The following RANBP17 variants were observed in gnomAD, a reference collection of about 807,000 sequenced individuals.
RANBP17 encodes the protein RAN binding protein 17.
In RANBP17, 158 loss-of-function variants were observed where a neutral mutation model predicts 141.2. The ratio of observed to expected loss-of-function variants is 1.12; its 90% CI spans 0.98 to 1.28. The LOEUF is 1.28. Ranked by LOEUF, RANBP17 falls within the 50% of genes most tolerant of loss-of-function variation. RANBP17 has a pLI of 0.00. For missense variants in RANBP17, 1,438 were observed against 1,290.7 expected (o/e 1.11, Z -1.75); for synonymous variants, 430 against 450.0 (o/e 0.96, Z 0.56).
chr5:171,265,568 T>C (rs975941016), intron 24 of RANBP17, 113 bp from the exon 25 acceptor site: 3 of 1,011,176 alleles, frequency 3.0e-6, no homozygotes. Context: ...ACTTGCAATT[T>C]GATAAAAGCA....
intron 14 of RANBP17, among the ~76,000 whole-genome samples, chr5:170,973,756 G>A (rs1257170109): frequency 6.6e-6 from 1 of 152,204 alleles, no homozygotes; most frequent in African/African-American, 2.4e-5. Context: ...AGCCTGAGAA[G>A]TTCAAGATCA....
At chr5:171,106,350 A>G (rs909777310) in intron 14 of RANBP17, among the ~76,000 whole-genome samples, 3 of 152,096 alleles carry the variant, frequency 2.0e-5, no homozygotes, top group African/African-American at 7.2e-5. Flanking sequence ...GGAAGGTAGG[A>G]GGGGAAGGGG....
chr5:171,082,906 C>T (rs1785348382), intron 14 of RANBP17, among the ~76,000 whole-genome samples: 2 of 149,752 alleles, frequency 1.3e-5, no homozygotes, highest in Non-Finnish European at 3.0e-5. Flanking sequence ...AAAGGAACAG[C>T]TGAATTTATT....
intron 22 of RANBP17, among the ~76,000 whole-genome samples, chr5:171,225,180 C>T (rs1305943954): frequency 6.6e-6 from 1 of 152,130 alleles, no homozygotes; most frequent in Admixed American, 6.6e-5. Flanking sequence ...TCTTTACTGC[C>T]TCTTGGGAGT....
chr5:171,293,920 A>AC lies in RANBP17; in HGVS notation c.2982dup (p.Cys995LeufsTer19). 6.2e-7 allele frequency: 1 copy of AC among 1,613,874 alleles called. No individual in the cohort carries two copies. The highest frequency in any genetic ancestry group is 1.3e-5 in the African/African-American group (1 of 75,008). On this transcript the variant is annotated frameshift_variant, in exon 26 of 28. Coordinates refer to ENST00000523189, the MANE Select transcript of RANBP17 (RefSeq NM_022897.5). LOFTEE classifies it high-confidence loss of function. ...CTCATGAACACCATTGTCTTTGAAG[A>AC]CTGTCGGAACCAGTGGTCAGTATCC... is the stretch of plus-strand genomic sequence containing the variant.
Position 171,206,048 on chromosome 5 carries a change from A to G in RANBP17, c.2231+436A>G, listed in dbSNP as rs570966432. On this transcript the variant is annotated intron_variant, in intron 20 of 27. Coordinates refer to ENST00000523189, the MANE Select transcript of RANBP17 (RefSeq NM_022897.5). ...ACAGTTTTTCATTATCATGAAGATA[A>G]TGAATGGACATGGAAAGGGAAAAAT... The G allele has an allele frequency of 2.6e-5, 8 of 310,908 alleles. No homozygotes were observed. The East Asian group carries it at 5.0e-4, about 20-fold the overall frequency. 19.3% of individuals were successfully genotyped at this position (310,908 alleles called of 1,614,324 possible).
chr5:170,959,228 T>C (rs1775961550), intron 13 of RANBP17, among the ~76,000 whole-genome samples: 1 of 152,178 alleles, frequency 6.6e-6, no homozygotes, highest in Admixed American at 6.5e-5. Context: ...GCTCAGAGTT[T>C]TCCTCTCTCT....
intron 22 of RANBP17, among the ~76,000 whole-genome samples, chr5:171,229,536 AG>A (rs1444935393): frequency 1.3e-5 from 2 of 151,740 alleles, no homozygotes; most frequent in African/African-American, 2.4e-5. Flanking sequence ...CTGGGATTAT[AG>A]GTGCCCGCCA....
At chr5:171,183,262 A>G (rs750507117) in intron 17 of RANBP17, 32 bp downstream of exon 17, 2 of 1,586,660 alleles carry the variant, frequency 1.3e-6, no homozygotes, top group East Asian at 2.2e-5. Context: ...AATGAATAAC[A>G]TTTTACGAAT....
chr5:170,973,754 A>T (rs755569696), intron 14 of RANBP17, among the ~76,000 whole-genome samples: 4 of 152,202 alleles, frequency 2.6e-5, no homozygotes, highest in Non-Finnish European at 4.4e-5. Flanking sequence ...AGAGCCTGAG[A>T]AGTTCAAGAT....
Position 171,031,439 on chromosome 5 carries a change from G to A in RANBP17, c.1710+63062G>A, listed in dbSNP as rs78414445. On this transcript the variant is annotated intron_variant, in intron 14 of 27. Coordinates refer to ENST00000523189, the MANE Select transcript of RANBP17 (RefSeq NM_022897.5). ...GAGCATACTGCTGACCCCACCACAA[G>A]CTTTACCTGTTAAGTAAAATATGTT... Among the ~76,000 whole-genome samples the A allele has an allele frequency of 9.6e-3, 1,455 of 152,106 alleles. 59 individuals carry two copies. The highest frequency in any genetic ancestry group is 0.08 in the East Asian group (415 of 5,186).
Position 171,155,779 on chromosome 5 carries a change from T to C in RANBP17, c.1711-14351T>C, listed in dbSNP as rs527331439. ...GTTTGTGCTTTGAACATTGAAGCAT[T>C]GTTCATCATGCATAATTAACAAAGT... On this transcript the variant is annotated intron_variant, in intron 14 of 27. Transcript: ENST00000523189. 5.9e-5 allele frequency among the ~76,000 whole-genome samples: 9 copies of C among 152,312 alleles called. No homozygotes were observed. In the South Asian group the frequency reaches 1.9e-3, roughly 32 times the overall value.
intron 13 of RANBP17, among the ~76,000 whole-genome samples, chr5:170,962,181 T>C (rs1478136520): frequency 6.6e-6 from 1 of 152,232 alleles, no homozygotes; most frequent in Non-Finnish European, 1.5e-5. Flanking sequence ...ATCTATATTA[T>C]GTAAGCCATT....
chr5:170,970,897 T>G (rs972216435), intron 14 of RANBP17, among the ~76,000 whole-genome samples: 9 of 152,158 alleles, frequency 5.9e-5, no homozygotes, highest in Non-Finnish European at 1.3e-4. Context: ...AGACTGTAAT[T>G]TTGGTTAGTA....
At chr5:170,904,316 C>A in intron 5 of RANBP17, 1 of 246,680 alleles carries the variant, frequency 4.1e-6, no homozygotes, top group African/African-American at 2.3e-5. Flanking sequence ...TCATCACTGT[C>A]TACAAGTTGA....
chr5:171,057,187 A>G (rs1266601038), intron 14 of RANBP17, among the ~76,000 whole-genome samples: 1 of 152,178 alleles, frequency 6.6e-6, no homozygotes, highest in Non-Finnish European at 1.5e-5. Context: ...AATTTATGGA[A>G]AAACTGAGTA....
intron 22 of RANBP17, among the ~76,000 whole-genome samples, chr5:171,240,501 A>G (rs1581098052): frequency 6.6e-6 from 1 of 152,292 alleles, no homozygotes; most frequent in South Asian, 2.1e-4. Flanking sequence ...TAAAAGGTCA[A>G]AAATTTGCCG....
intron 3 of RANBP17, among the ~76,000 whole-genome samples, chr5:170,884,868 C>T (rs898712060): frequency 4.0e-5 from 6 of 151,104 alleles, no homozygotes; most frequent in African/African-American, 1.5e-4. Flanking sequence ...TCTTCTCCCT[C>T]ATCATGTGGC....
At chr5:171,220,917 A>G (rs1004869291) in intron 21 of RANBP17, among the ~76,000 whole-genome samples, 3 of 152,238 alleles carry the variant, frequency 2.0e-5, no homozygotes, top group Non-Finnish European at 4.4e-5. Flanking sequence ...TAATATTTCT[A>G]ATAGGTAATC....
Sources: allele counts gnomAD v4.1 joint callset (sites outside exome capture counted in the v4.1 genomes callset), GRCh38; gene constraint gnomAD v4.1.1; transcripts MANE v1.5; gene names NCBI Gene and HGNC (gene_info 2026-07-23, HGNC 2026-07-21).